The following CSAD variants were observed in gnomAD, a reference collection of about 807,000 sequenced individuals.
CSAD encodes P-selectin cytoplasmic tail-associated protein.
A neutral mutation model predicts 61.5 loss-of-function variants in CSAD; 47 were observed. The ratio of observed to expected loss-of-function variants is 0.76; its 90% CI spans 0.60 to 0.97. CSAD has a LOEUF of 0.97. Among genes scored for constraint, CSAD ranks in the 50% least tolerant of loss-of-function variants. The pLI is 0.00. For synonymous variants in CSAD, 245 were observed against 252.7 expected (o/e 0.97, Z 0.29); for missense variants, 611 against 643.6 (o/e 0.95, Z 0.55).
At chr12:53,180,678 G>T in intron 1 of CSAD, 54 bp downstream of exon 1, 1 of 1,276,640 alleles carries the variant, frequency 7.8e-7, no homozygotes, top group Non-Finnish European at 1.0e-6. Context: ...AGGACGAGGG[G>T]GAGGGGGAAG....
chr12:53,180,445 C>A, intron 1 of CSAD: 1 of 1,179,800 alleles, frequency 8.5e-7, no homozygotes, highest in Non-Finnish European at 1.1e-6. Flanking sequence ...GTACAATCAT[C>A]GAAGGGCCGA....
intron 16 of CSAD, among the ~76,000 whole-genome samples, chr12:53,159,005 CT>C (rs1204035013): frequency 6.6e-6 from 1 of 152,198 alleles, no homozygotes; most frequent in Admixed American, 6.5e-5. Context: ...CCTTGGTCAT[CT>C]AAGCCTTAGT....
intron 2 of CSAD, among the ~76,000 whole-genome samples, chr12:53,174,814 G>A (rs182571585): frequency 3.3e-5 from 5 of 152,190 alleles, no homozygotes; most frequent in African/African-American, 7.2e-5. Flanking sequence ...ATATATGGAG[G>A]AATTAAGGGG....
chr12:53,169,260 G>A (rs1300908956), intron 10 of CSAD, among the ~76,000 whole-genome samples: 3 of 151,524 alleles, frequency 2.0e-5, no homozygotes, highest in Admixed American at 6.6e-5. Flanking sequence ...CAGGCGGATC[G>A]CCTGAGGTCA....
At chr12:53,164,586 G>A (rs1471112777) in intron 10 of CSAD, 1 of 154,198 alleles carries the variant, frequency 6.5e-6, no homozygotes, top group African/African-American at 2.4e-5. Flanking sequence ...AGAAGCGGGA[G>A]GGAGGGGAGA....
chr12:53,169,352 G>A (rs925727649), intron 10 of CSAD, among the ~76,000 whole-genome samples: 18 of 151,516 alleles, frequency 1.2e-4, no homozygotes, highest in African/African-American at 4.1e-4. Flanking sequence ...GGTGGCACAC[G>A]CCTATAATCC....
In CSAD at chr12:53,161,274, T is replaced by C. The variant is rs751932400; in HGVS notation, c.818A>G (p.Asp273Gly). The change falls in exon 11 of 17, where the codon GAT becomes GGT. Residue 273 changes from aspartate to glycine, a missense_variant and splice_region_variant. Physicochemically the swap from Asp to Gly is moderately conservative, Grantham distance 94. Coordinates refer to ENST00000444623, the MANE Select transcript of CSAD (RefSeq NM_001244705.2). Reference protein sequence around the residue: ...CQRHGLWLHVDAAWGGSVLLS... With the variant: ...CQRHGLWLHVGAAWGGSVLLS... ...CCCCCAAGCCGAAGTCCCACTCACA[T>C]CCACATGCAGCCATAGCCCATGACG... 1.2e-6 allele frequency: 2 copies of C among 1,613,726 alleles called. No homozygotes were observed. Among genetic ancestry groups the C allele is most frequent in the African/African-American group, 1.3e-5 (1 of 74,956 alleles).
At chr12:53,177,056 C>T (rs1391055180) in intron 2 of CSAD, among the ~76,000 whole-genome samples, 1 of 152,048 alleles carries the variant, frequency 6.6e-6, no homozygotes, top group Non-Finnish European at 1.5e-5. Flanking sequence ...TATTGTGAAT[C>T]AGATTATTTA....
Position 53,157,878 on chromosome 12 carries a change from T to C in CSAD, c.*633A>G, listed in dbSNP as rs374128406. 11 of 152,192 alleles carry C rather than the reference T, an allele frequency of 7.2e-5. 1 individual carries two copies. The highest frequency in any genetic ancestry group is 2.4e-4 in the African/African-American group (10 of 41,412). The allele number at this position is 152,192 out of a possible 1,614,324, so 9.4% of individuals were successfully genotyped here. Reference sequence around the variant, plus strand: ...ATTTCATTTTATCAGTCTTTTCCTATGTATTTTTGAACACAGCTCAAATAT... The same window carrying C: ...ATTTCATTTTATCAGTCTTTTCCTACGTATTTTTGAACACAGCTCAAATAT... On this transcript the variant is annotated 3_prime_UTR_variant, in exon 17 of 17. Coordinates refer to ENST00000444623, the MANE Select transcript of CSAD (RefSeq NM_001244705.2).
chr12:53,171,502 C>T lies in CSAD; in HGVS notation c.452-61G>A, dbSNP rs2121513087. The T allele has an allele frequency of 2.0e-6, 3 of 1,515,708 alleles. No homozygotes were observed. In the East Asian group the frequency reaches 6.8e-5, roughly 34 times the overall value. 93.9% of individuals were successfully genotyped at this position (1,515,708 alleles called of 1,614,324 possible). ...GCAGTGGGTCAAGACTGGAGCTTGCCTCCCTTCCCTTTCTACCAGAAGAGC... is the reference window on the plus strand; with the variant it reads ...GCAGTGGGTCAAGACTGGAGCTTGCTTCCCTTCCCTTTCTACCAGAAGAGC... On this transcript the variant is annotated intron_variant, in intron 7 of 16. Coordinates refer to ENST00000444623, the MANE Select transcript of CSAD (RefSeq NM_001244705.2).
chr12:53,175,634 T>C (rs1050907946), intron 2 of CSAD, among the ~76,000 whole-genome samples: 1 of 152,206 alleles, frequency 6.6e-6, no homozygotes, highest in Non-Finnish European at 1.5e-5. Context: ...TTCCATCTTC[T>C]TGATTGTCCT....
At chr12:53,164,344 C>G (rs762698926) in intron 10 of CSAD, 2 of 212,480 alleles carry the variant, frequency 9.4e-6, no homozygotes, top group South Asian at 1.1e-4. Flanking sequence ...TACCCACCAA[C>G]AGTGGATTAG....
chr12:53,180,564 C>T (rs1187158772), intron 1 of CSAD, 168 bp downstream of exon 1: 9 of 1,282,210 alleles, frequency 7.0e-6, no homozygotes, highest in Non-Finnish European at 9.1e-6. Context: ...GCCGCCCACT[C>T]ACCCAGCTGC....
chr12:53,159,546 C>T lies in CSAD; in HGVS notation c.1308+77G>A, dbSNP rs1592298138. 1.0e-5 allele frequency: 13 copies of T among 1,292,802 alleles called. No homozygotes were observed. In the South Asian group the frequency reaches 1.7e-4, roughly 17 times the overall value. The allele number at this position is 1,292,802 out of a possible 1,614,324, so 80.1% of individuals were successfully genotyped here. On this transcript the variant is annotated intron_variant, in intron 16 of 16. Coordinates refer to ENST00000444623, the MANE Select transcript of CSAD (RefSeq NM_001244705.2). ...CAGCAAGGAGACCTGCCATGCCACT[C>T]CCAGCCAACAGGGGGCAGAAGCGCA...
chr12:53,160,505 T>C (rs965676645), intron 13 of CSAD, among the ~76,000 whole-genome samples, 186 bp from the exon 14 acceptor site: 1 of 152,184 alleles, frequency 6.6e-6, no homozygotes, highest in Non-Finnish European at 1.5e-5. Flanking sequence ...CCAGGGTTCT[T>C]CCCAAACTCT....
Position 53,160,746 on chromosome 12 carries a change from G to C in CSAD, c.966+17C>G. 1 of 1,547,752 alleles carries C rather than the reference G, an allele frequency of 6.5e-7. No individual in the cohort carries two copies. Among genetic ancestry groups the C allele is most frequent in the Non-Finnish European group, 8.7e-7 (1 of 1,143,540 alleles). On this transcript the variant is annotated intron_variant, in intron 13 of 16. Coordinates refer to ENST00000444623, the MANE Select transcript of CSAD (RefSeq NM_001244705.2). ...CAGAGAGAGGTGGGGCTGGTGCAGG[G>C]GCAGGGGCAGACCCACCGAGGTATC... is the stretch of plus-strand genomic sequence containing the variant.
intron 1 of CSAD, 109 bp downstream of exon 1, chr12:53,180,623 A>G (rs1391214044): frequency 1.6e-6 from 2 of 1,283,490 alleles, no homozygotes; most frequent in African/African-American, 3.1e-5. Context: ...TGCCCCCGCT[A>G]GTCTAGCTGC....
intron 2 of CSAD, among the ~76,000 whole-genome samples, chr12:53,176,635 C>T (rs546431307): frequency 6.6e-6 from 1 of 151,314 alleles, no homozygotes; most frequent in African/African-American, 2.4e-5. Context: ...AGGAGAACGG[C>T]GAGAACCCGG....
chr12:53,173,235 A>C, intron 4 of CSAD, 110 bp downstream of exon 4: 2 of 999,672 alleles, frequency 2.0e-6, no homozygotes, highest in Non-Finnish European at 2.9e-6. Context: ...GAAAAAAGGA[A>C]GGAAGAAAGA....
Sources: allele counts gnomAD v4.1 joint callset (sites outside exome capture counted in the v4.1 genomes callset), GRCh38; gene constraint gnomAD v4.1.1; transcripts MANE v1.5; gene names NCBI Gene and HGNC (gene_info 2026-07-23, HGNC 2026-07-21).